KCNQ3: variants seen among roughly 807,000 people sequenced by gnomAD.
The protein encoded by KCNQ3 is potassium voltage-gated channel subfamily Q member 3.
In KCNQ3, 30 loss-of-function variants were observed where a neutral mutation model predicts 92.5. The ratio of observed to expected loss-of-function variants is 0.32; its 90% CI spans 0.24 to 0.44. The LOEUF (loss-of-function observed/expected upper bound fraction) is 0.44, where lower values mean the gene tolerates loss of function less well. KCNQ3 is among the 20% of genes least tolerant of loss of function. The probability of loss-of-function intolerance (pLI) is 1.00; values close to 1 mark genes in which losing one functional copy is unlikely to be tolerated. For synonymous variants in KCNQ3, 450 were observed against 468.8 expected, an observed-to-expected ratio of 0.96 and a Z score of 0.52; for missense variants, 913 against 1,140.3, an observed-to-expected ratio of 0.80 and a Z score of 2.87.
chr8:132,337,380 C>T (rs1818394309), intron 1 of KCNQ3, among the ~76,000 whole-genome samples: 1 of 152,016 alleles, frequency 6.6e-6, no homozygotes, highest in Non-Finnish European at 1.5e-5. Context: ...GCCTGTAGTG[C>T]CAGCTACTCA....
In KCNQ3 at chr8:132,129,489, C is replaced by T. The variant is rs1277414579; in HGVS notation, c.2392G>A (p.Glu798Lys). The T allele has an allele frequency of 2.5e-6, 4 of 1,614,086 alleles. No individual in the cohort carries two copies. Among genetic ancestry groups the T allele is most frequent in the Admixed American group, 3.3e-5 (2 of 60,002 alleles). The change falls in exon 15 of 15, where the codon GAG (glutamate) becomes AAG (lysine). Residue 798 changes from glutamate to lysine, a missense_variant. Transcript: ENST00000388996. The surrounding 1 kb of genome is among the most constrained non-coding windows in gnomAD (Gnocchi z 5.9). ...CCACTTGGAGACCTCTCCAGCTCCT[C>T]GTGGTTGACCGACATCAGGGACAGA... ...TPLSLMSVNH[E>K]ELERSPSGFS... is the part of the protein sequence containing the mutation.
rs62519590 is a variant in KCNQ3, at chr8:132,180,812, C to T, written c.605-483G>A. On this transcript the variant is annotated intron_variant, in intron 3 of 14. Transcript: ENST00000388996. ...AGATGATGTTAGGAAGCAGAAGTGACGGCAGAAGGAGAGAGAGAATGTTAA... is the reference window on the plus strand; with the variant it reads ...AGATGATGTTAGGAAGCAGAAGTGATGGCAGAAGGAGAGAGAGAATGTTAA... Among the ~76,000 whole-genome samples, 525 of 141,434 alleles carry T rather than the reference C, an allele frequency of 3.7e-3. 2 individuals are homozygous for T. Among genetic ancestry groups the T allele is most frequent in the South Asian group, 0.029 (127 of 4,448 alleles). 92.8% of individuals were successfully genotyped at this position (141,434 alleles called of 152,430 possible).
chr8:132,346,207 G>A (rs536033460), intron 1 of KCNQ3, among the ~76,000 whole-genome samples: 3 of 152,226 alleles, frequency 2.0e-5, no homozygotes, highest in African/African-American at 7.2e-5. Flanking sequence ...TCTTCCCAGA[G>A]GGCTCATATG....
chr8:132,182,899 C>G (rs1826836219), intron 3 of KCNQ3, among the ~76,000 whole-genome samples: 1 of 152,038 alleles, frequency 6.6e-6, no homozygotes, highest in African/African-American at 2.4e-5. Context: ...CACACACACA[C>G]ACACACACAC....
At chr8:132,474,462 C>G (rs1303046533) in intron 1 of KCNQ3, among the ~76,000 whole-genome samples, 1 of 151,990 alleles carries the variant, frequency 6.6e-6, no homozygotes, top group African/African-American at 2.4e-5. Context: ...AAGTGATCAC[C>G]CTCACTCAAG....
At chr8:132,260,774 C>T (rs912462913) in intron 1 of KCNQ3, among the ~76,000 whole-genome samples, 8 of 151,960 alleles carry the variant, frequency 5.3e-5, no homozygotes, top group Admixed American at 5.2e-4. Context: ...ATCCATCCAT[C>T]CATTATCCAT....
At chr8:132,227,797 G>T (rs1485323438) in intron 1 of KCNQ3, among the ~76,000 whole-genome samples, 1 of 152,184 alleles carries the variant, frequency 6.6e-6, no homozygotes, top group Non-Finnish European at 1.5e-5. Flanking sequence ...TATGAATGCA[G>T]AGAAGGAACC....
chr8:132,350,844 TC>T (rs761135593), intron 1 of KCNQ3, among the ~76,000 whole-genome samples: 2 of 152,170 alleles, frequency 1.3e-5, no homozygotes, highest in Non-Finnish European at 2.9e-5. Context: ...GAATTCTAAG[TC>T]CTATTTTTCT....
chr8:132,424,315 A>G (rs1485240598), intron 1 of KCNQ3, among the ~76,000 whole-genome samples: 1 of 149,274 alleles, frequency 6.7e-6, no homozygotes, highest in East Asian at 2.0e-4. Context: ...ACCCCTCTCC[A>G]AATGTCACAA....
intron 4 of KCNQ3, among the ~76,000 whole-genome samples, chr8:132,177,017 A>G (rs1450623318): frequency 6.6e-6 from 1 of 152,202 alleles, no homozygotes; most frequent in Admixed American, 6.5e-5. Context: ...GAGGACGGAA[A>G]CGTACATGGA....
chr8:132,432,689 C>A (rs952299401), intron 1 of KCNQ3, among the ~76,000 whole-genome samples: 2 of 152,150 alleles, frequency 1.3e-5, no homozygotes, highest in Non-Finnish European at 2.9e-5. Flanking sequence ...TCATCTAGGT[C>A]CTGCCTACTT....
At chr8:132,388,854 G>A (rs780967268) in intron 1 of KCNQ3, among the ~76,000 whole-genome samples, 32 of 152,110 alleles carry the variant, frequency 2.1e-4, no homozygotes, top group Admixed American at 3.3e-4. Flanking sequence ...TACATGAATC[G>A]TGATTTTAAT....
chr8:132,464,247 C>T (rs576985279), intron 1 of KCNQ3, among the ~76,000 whole-genome samples: 6 of 152,328 alleles, frequency 3.9e-5, no homozygotes, highest in Admixed American at 6.5e-5. Flanking sequence ...ACGTTACAGA[C>T]GAGCAAACAG....
At chr8:132,406,613 TA>T (rs1356594212) in intron 1 of KCNQ3, among the ~76,000 whole-genome samples, 1 of 151,308 alleles carries the variant, frequency 6.6e-6, no homozygotes, top group Non-Finnish European at 1.5e-5. Flanking sequence ...CACAGACAAA[TA>T]TGCACAAACA....
intron 1 of KCNQ3, among the ~76,000 whole-genome samples, chr8:132,478,024 A>T (rs1048937636): frequency 6.6e-6 from 1 of 152,238 alleles, no homozygotes; most frequent in South Asian, 2.1e-4. Flanking sequence ...ATTTCCATCT[A>T]ATAGTACTGT....
intron 1 of KCNQ3, chr8:132,447,240 C>T (rs1389066928): frequency 1.3e-6 from 2 of 1,535,406 alleles, no homozygotes; most frequent in African/African-American, 2.7e-5. Flanking sequence ...GTAATGAATG[C>T]AAGAACAAGA....
intron 1 of KCNQ3, among the ~76,000 whole-genome samples, chr8:132,450,942 G>A (rs1292056023): frequency 6.6e-6 from 1 of 152,240 alleles, no homozygotes; most frequent in Non-Finnish European, 1.5e-5. Context: ...AGGATGGAAT[G>A]TCTAGAAATA....
intron 1 of KCNQ3, among the ~76,000 whole-genome samples, chr8:132,462,704 G>T (rs1174803796): frequency 6.6e-6 from 1 of 152,128 alleles, no homozygotes; most frequent in African/African-American, 2.4e-5. Flanking sequence ...GAGGCTCTTT[G>T]TCCCCATTGA....
chr8:132,142,128 T>C (rs981710253), intron 9 of KCNQ3, among the ~76,000 whole-genome samples: 1 of 152,234 alleles, frequency 6.6e-6, no homozygotes, highest in African/African-American at 2.4e-5. Flanking sequence ...TTGATAATGC[T>C]GTTTCCATAT....
Sources: allele counts gnomAD v4.1 joint callset (sites outside exome capture counted in the v4.1 genomes callset), GRCh38; gene constraint gnomAD v4.1.1; non-coding constraint Gnocchi (gnomAD v3.1); transcripts MANE v1.5; gene names NCBI Gene and HGNC (gene_info 2026-07-23, HGNC 2026-07-21).